The following SLC35F4 variants were observed in gnomAD, a reference collection of about 807,000 sequenced individuals.
SLC35F4 encodes chromosome 14 open reading frame 36.
In SLC35F4, 24 loss-of-function variants were observed where a neutral mutation model predicts 44.2. The observed-to-expected ratio is 0.54, with a 90% CI of 0.39 to 0.76. The LOEUF (loss-of-function observed/expected upper bound fraction) is 0.76. SLC35F4 is among the 30% of genes least tolerant of loss of function. The pLI, the probability that SLC35F4 is intolerant of heterozygous loss-of-function variation, is 0.00. For missense variants in SLC35F4, 562 were observed against 586.1 expected (o/e 0.96, Z 0.42); for synonymous variants, 238 against 223.6 (o/e 1.06, Z -0.57).
chr14:57,679,775 A>G (rs956244941), intron 1 of SLC35F4, among the ~76,000 whole-genome samples: 1 of 152,118 alleles, frequency 6.6e-6, no homozygotes, highest in Non-Finnish European at 1.5e-5. Context: ...AAAATCTAGA[A>G]GAAATGGATA....
intron 1 of SLC35F4, among the ~76,000 whole-genome samples, chr14:57,914,719 T>A (rs1346305969): frequency 6.6e-6 from 1 of 152,182 alleles, no homozygotes; most frequent in Non-Finnish European, 1.5e-5. Context: ...TAGAGAATAA[T>A]CTCCTTTCAC....
chr14:57,686,044 C>T (rs1441564719), intron 1 of SLC35F4, among the ~76,000 whole-genome samples: 2 of 152,064 alleles, frequency 1.3e-5, no homozygotes, highest in South Asian at 2.1e-4. Context: ...GCTCAAGGAC[C>T]TTTTGTGGTT....
intron 1 of SLC35F4, among the ~76,000 whole-genome samples, chr14:57,667,691 T>A (rs1347201696): frequency 2.6e-5 from 4 of 151,862 alleles, no homozygotes; most frequent in Non-Finnish European, 4.4e-5. Context: ...TGCAGAGTAT[T>A]CCATGGTGTA....
intron 1 of SLC35F4, among the ~76,000 whole-genome samples, chr14:57,804,162 A>G (rs1881007837): frequency 6.6e-6 from 1 of 152,232 alleles, no homozygotes; most frequent in East Asian, 1.9e-4. Flanking sequence ...TGTGGATAGG[A>G]AGAATCAATA....
At chr14:57,927,710 C>T (rs1367360479) in intron 1 of SLC35F4, among the ~76,000 whole-genome samples, 3 of 152,012 alleles carry the variant, frequency 2.0e-5, no homozygotes, top group Non-Finnish European at 4.4e-5. Flanking sequence ...AGGCTGGTCT[C>T]GAACTCCTGA....
At chr14:57,644,752 A>G (rs1457051525) in intron 1 of SLC35F4, among the ~76,000 whole-genome samples, 1 of 152,056 alleles carries the variant, frequency 6.6e-6, no homozygotes, top group Non-Finnish European at 1.5e-5. Context: ...TTAGACCTAA[A>G]TTTCTAACAT....
chr14:57,637,520 A>T (rs959332330), intron 1 of SLC35F4, among the ~76,000 whole-genome samples: 2 of 152,248 alleles, frequency 1.3e-5, no homozygotes, highest in East Asian at 3.9e-4. Flanking sequence ...ATAAAGAAAC[A>T]CACGCAAATG....
At chr14:57,786,005 C>T (rs1390921699) in intron 1 of SLC35F4, among the ~76,000 whole-genome samples, 2 of 152,104 alleles carry the variant, frequency 1.3e-5, no homozygotes, top group African/African-American at 2.4e-5. Context: ...AGCTGGAAGA[C>T]GGGTAACCTG....
At chr14:57,750,748 T>G (rs747511066) in intron 1 of SLC35F4, among the ~76,000 whole-genome samples, 16 of 152,176 alleles carry the variant, frequency 1.1e-4, no homozygotes, top group Non-Finnish European at 2.1e-4. Context: ...GTTGTTGTTG[T>G]TGTTGCTGAG....
chr14:57,564,943 T>C (rs1037617853), intron 7 of SLC35F4, among the ~76,000 whole-genome samples: 4 of 152,174 alleles, frequency 2.6e-5, no homozygotes, highest in Non-Finnish European at 4.4e-5. Flanking sequence ...ATCTGCTTTT[T>C]TCCCCCTATA....
At chr14:57,845,728 CAA>C (rs546980900) in intron 1 of SLC35F4, among the ~76,000 whole-genome samples, 234 of 152,272 alleles carry the variant, frequency 1.5e-3, no homozygotes, top group African/African-American at 5.4e-3. Flanking sequence ...ATCTTTACAT[CAA>C]GTGTAAATAT....
intron 1 of SLC35F4, among the ~76,000 whole-genome samples, chr14:57,743,672 C>A (rs2140523411): frequency 6.6e-6 from 1 of 152,306 alleles, no homozygotes; most frequent in East Asian, 1.9e-4. Context: ...ACCATTCCTT[C>A]TGAAACTATT....
chr14:57,853,475 C>T (rs1886774969), intron 1 of SLC35F4, among the ~76,000 whole-genome samples: 1 of 152,164 alleles, frequency 6.6e-6, no homozygotes, highest in South Asian at 2.1e-4. Context: ...AATAGGGTTA[C>T]AGGAGAGGGC....
In SLC35F4 at chr14:57,959,017, G is replaced by A. The variant is rs148388083; in HGVS notation, n.282+22896C>T. 4.7e-4 allele frequency among the ~76,000 whole-genome samples: 71 copies of A among 152,264 alleles called. 1 individual carries two copies. The East Asian group carries it at 0.013, about 29-fold the overall frequency. ...GCAGCCATGCAGACTGGGTCCATGT[G>A]GCAGGGACAGGAACAAGAATGGGCA... On this transcript the variant is annotated intron_variant and non_coding_transcript_variant, in intron 1 of 1. Coordinates refer to the SLC35F4 transcript ENST00000556568.
intron 1 of SLC35F4, among the ~76,000 whole-genome samples, chr14:57,762,369 G>C (rs929702191): frequency 1.6e-4 from 24 of 152,134 alleles, no homozygotes; most frequent in African/African-American, 5.6e-4. Flanking sequence ...AAAGGGATTA[G>C]TGAGAACCCA....
chr14:57,720,248 T>C lies in SLC35F4; in HGVS notation c.104-126124A>G, dbSNP rs138807258. ...ATTTGGTTTGCTAGTTTTTTTCTGA[T>C]AATTTTTGCATCACTATTCATAATA... is the stretch of plus-strand genomic sequence containing the variant. On this transcript the variant is annotated intron_variant, in intron 1 of 7. Transcript: ENST00000556826. 4.1e-4 allele frequency among the ~76,000 whole-genome samples: 62 copies of C among 152,318 alleles called. 2 individuals are homozygous for C. The highest frequency in any genetic ancestry group is 6.5e-4 in the African/African-American group (27 of 41,574).
chr14:57,773,258 T>C (rs78371441), intron 1 of SLC35F4, among the ~76,000 whole-genome samples: 7,091 of 152,322 alleles, frequency 0.047, 220 homozygotes, highest in Non-Finnish European at 0.065. Flanking sequence ...AGGCATAATT[T>C]GCAAATGCAC....
chr14:57,976,290 G>A (rs58773089), downstream of SLC35F4, among the ~76,000 whole-genome samples: 489 of 152,328 alleles, frequency 3.2e-3, 1 homozygote, highest in African/African-American at 0.011. Flanking sequence ...TACTTGAAAA[G>A]CAATTGTATT....
intron 1 of SLC35F4, among the ~76,000 whole-genome samples, chr14:57,784,141 G>A (rs759637527): frequency 5.9e-5 from 9 of 152,154 alleles, no homozygotes; most frequent in African/African-American, 2.2e-4. Flanking sequence ...AAACTGAAGA[G>A]CTAATAGGTA....
Sources: allele counts gnomAD v4.1 joint callset (sites outside exome capture counted in the v4.1 genomes callset), GRCh38; gene constraint gnomAD v4.1.1; transcripts MANE v1.5; gene names NCBI Gene and HGNC (gene_info 2026-07-23, HGNC 2026-07-21).